MCF2L: variants seen among roughly 807,000 people sequenced by gnomAD.
The protein encoded by MCF2L is MCF.2 cell line derived transforming sequence like.
A neutral mutation model predicts 153.4 loss-of-function variants in MCF2L; 97 were observed. That is an observed-to-expected ratio of 0.63 (90% confidence interval 0.54 to 0.75). The LOEUF (loss-of-function observed/expected upper bound fraction) is 0.75. MCF2L is among the 30% of genes least tolerant of loss of function. MCF2L has a pLI of 0.00. For synonymous variants in MCF2L, 659 were observed against 632.2 expected, an observed-to-expected ratio of 1.04 and a Z score of -0.64; for missense variants, 1,347 against 1,495.2, an observed-to-expected ratio of 0.90 and a Z score of 1.64.
rs376872264 is a variant in MCF2L, at chr13:112,979,705, G to A, written c.79+10247G>A. The A allele has an allele frequency of 3.0e-5, 48 of 1,612,668 alleles. 1 individual carries two copies. Among genetic ancestry groups the A allele is most frequent in the South Asian group, 6.6e-5 (6 of 91,084 alleles). On this transcript the variant is annotated intron_variant, in intron 1 of 29. Coordinates refer to ENST00000535094, the MANE Select transcript of MCF2L (RefSeq NM_001112732.3). ...GGAGCATCCCGGGGAACCCTGCGGC[G>A]GCTGTGGTCACTGCCCAGGAGGCGC...
intron 2 of MCF2L, among the ~76,000 whole-genome samples, chr13:112,913,433 G>A (rs555164435): frequency 6.6e-6 from 1 of 152,268 alleles, no homozygotes; most frequent in Admixed American, 6.5e-5. Flanking sequence ...TGATGTCTCA[G>A]CTGCAGGCAT....
rs575186602 is a variant in MCF2L, at chr13:113,093,114, C to T, written c.2954-1400C>T. ...GCCTCAGAGCGACTGGGGGCCTGGA[C>T]GGGGAGGGCACGCTGGCAGCCAGGC... On this transcript the variant is annotated intron_variant, in intron 26 of 29. Transcript: ENST00000535094. Among the ~76,000 whole-genome samples the T allele has an allele frequency of 2.6e-5, 4 of 152,310 alleles. No homozygotes were observed. In the South Asian group the frequency reaches 6.2e-4, roughly 24 times the overall value.
rs1404212484 is a variant in MCF2L, at chr13:112,932,798, A to G, written c.169+30427A>G. Among the ~76,000 whole-genome samples, 1 of 152,156 alleles carries G rather than the reference A, an allele frequency of 6.6e-6. No individual in the cohort carries two copies. The highest frequency in any genetic ancestry group is 2.4e-5 in the African/African-American group (1 of 41,444). ...GTAATCCCAGCACTTTGGGAGGTCA[A>G]CGCGGGTGGATCATCTGAGGTCAGG... On this transcript the variant is annotated intron_variant, in intron 2 of 29. Transcript: ENST00000375608. The surrounding 1 kb of genome is among the most constrained non-coding windows in gnomAD (Gnocchi z 4.6).
chr13:113,036,606 A>G (rs1023057568), intron 3 of MCF2L, among the ~76,000 whole-genome samples: 6 of 152,220 alleles, frequency 3.9e-5, no homozygotes, highest in African/African-American at 1.2e-4. Flanking sequence ...AGCCACCCAC[A>G]GAAGGACGCG....
intron 2 of MCF2L, among the ~76,000 whole-genome samples, chr13:112,939,164 C>T (rs1286891080): frequency 6.6e-6 from 1 of 152,230 alleles, no homozygotes; most frequent in Non-Finnish European, 1.5e-5. Context: ...ATCTGTGACA[C>T]TTCACAGAAC....
chr13:113,065,559 C>G (rs1201338033), intron 7 of MCF2L, among the ~76,000 whole-genome samples: 1 of 152,254 alleles, frequency 6.6e-6, no homozygotes, highest in African/African-American at 2.4e-5. Flanking sequence ...CCAGTGCTCA[C>G]GTGTCCACAG....
chr13:112,950,780 T>C (rs948450009), intron 2 of MCF2L, among the ~76,000 whole-genome samples: 1 of 152,148 alleles, frequency 6.6e-6, no homozygotes, highest in Non-Finnish European at 1.5e-5. Flanking sequence ...ATAAAAGTTT[T>C]AGGAAAAAAT....
chr13:113,040,514 G>A (rs548128602), intron 3 of MCF2L: 1 of 151,950 alleles, frequency 6.6e-6, no homozygotes, highest in South Asian at 2.1e-4. Context: ...TTGGGTGCAG[G>A]TTGACGTTTG....
intron 2 of MCF2L, among the ~76,000 whole-genome samples, chr13:112,959,160 C>G (rs1367072538): frequency 6.6e-6 from 1 of 152,162 alleles, no homozygotes; most frequent in African/African-American, 2.4e-5. Flanking sequence ...TCTGCTTGTT[C>G]AAGACATACC....
chr13:113,018,863 C>T (rs546442547), intron 2 of MCF2L, among the ~76,000 whole-genome samples: 9 of 152,312 alleles, frequency 5.9e-5, no homozygotes, highest in South Asian at 4.1e-4. Flanking sequence ...ACTGCCCAGG[C>T]GGCTCTTGGG....
At chr13:112,916,311 A>G (rs2081291821) in intron 2 of MCF2L, among the ~76,000 whole-genome samples, 1 of 151,976 alleles carries the variant, frequency 6.6e-6, no homozygotes, top group Non-Finnish European at 1.5e-5. Context: ...TTGTTCCCAG[A>G]AGCCATTTTC....
intron 1 of MCF2L, among the ~76,000 whole-genome samples, chr13:112,973,319 TG>T (rs2140847226): frequency 6.6e-6 from 1 of 152,342 alleles, no homozygotes; most frequent in East Asian, 1.9e-4. Flanking sequence ...TACGTCTGTG[TG>T]GGTTGCTGAC....
At chr13:112,987,742 G>A (rs2082707855) in intron 1 of MCF2L, among the ~76,000 whole-genome samples, 1 of 152,254 alleles carries the variant, frequency 6.6e-6, no homozygotes, top group Admixed American at 6.5e-5. Flanking sequence ...CCAGGGCCTG[G>A]AAGGGGCCAG....
intron 1 of MCF2L, among the ~76,000 whole-genome samples, chr13:113,010,995 T>A (rs1291328211): frequency 6.6e-6 from 1 of 152,140 alleles, no homozygotes; most frequent in Non-Finnish European, 1.5e-5. Flanking sequence ...GAAACTATGA[T>A]CATAAGGGCA....
In MCF2L at chr13:113,087,396, G is replaced by A. The variant is rs905419808; in HGVS notation, c.2535G>A (p.Arg845=). 14 of 1,613,240 alleles carry A rather than the reference G, an allele frequency of 8.7e-6. No individual in the cohort carries two copies. Among genetic ancestry groups the A allele is most frequent in the Middle Eastern group, 1.6e-4 (1 of 6,084 alleles). ...AGGCAGTGCTCTTCTGCAAGAAGAG[G>A]GAGGAGAATGGGGAGGGGTATGAGA... ...HEKAVLFCKK[R]EENGEGYEKA... The change falls in exon 22 of 30, where the codon AGG becomes AGA. Residue 845 remains arginine, a synonymous_variant. Coordinates refer to ENST00000535094, the MANE Select transcript of MCF2L (RefSeq NM_001112732.3).
intron 2 of MCF2L, among the ~76,000 whole-genome samples, chr13:112,961,779 C>T (rs917307402): frequency 2.0e-5 from 3 of 152,250 alleles, no homozygotes; most frequent in Non-Finnish European, 4.4e-5. Flanking sequence ...CTTCCTGTGA[C>T]ACTGAGTCCT....
In MCF2L at chr13:113,099,318, A is replaced by G. The variant is rs554433700; in HGVS notation, c.*2459A>G. The G allele has an allele frequency of 1.3e-5, 2 of 152,354 alleles. No homozygotes were observed. The highest frequency in any genetic ancestry group is 2.4e-5 in the African/African-American group (1 of 41,590). 9.4% of individuals were successfully genotyped at this position (152,354 alleles called of 1,614,324 possible). On this transcript the variant is annotated 3_prime_UTR_variant, in exon 30 of 30. Transcript: ENST00000535094. ...AAATCTGCGTTATTTTCCAGCACAC[A>G]TGGAGCACAAACAAAATATTTGCAA...
At position 113,066,099 on chromosome 13, in the gene MCF2L, G is replaced by A. The variant is rs751506929; in HGVS notation, c.810G>A (p.Arg270=). 1 of 1,613,396 alleles carries A rather than the reference G, an allele frequency of 6.2e-7. No individual in the cohort carries two copies. Among genetic ancestry groups the A allele is most frequent in the Non-Finnish European group, 8.5e-7 (1 of 1,179,960 alleles). ...KEGHSVLESL[R]ELQAEGSEPS... Reference sequence around the variant, plus strand: ...GGCACAGTGTCCTGGAGAGCCTCAGGGAGCTGCAGGCTGAGGGCTCAGAGC... The same window carrying A: ...GGCACAGTGTCCTGGAGAGCCTCAGAGAGCTGCAGGCTGAGGGCTCAGAGC... The change falls in exon 8 of 30, where the codon AGG becomes AGA. Residue 270 remains arginine, a synonymous_variant. Transcript: ENST00000535094.
intron 2 of MCF2L, among the ~76,000 whole-genome samples, chr13:112,954,371 A>C (rs1416475803): frequency 2.6e-5 from 4 of 152,052 alleles, no homozygotes; most frequent in Non-Finnish European, 2.9e-5. Context: ...CCCTTTCCTG[A>C]AACCTCGAGG....
Sources: allele counts gnomAD v4.1 joint callset (sites outside exome capture counted in the v4.1 genomes callset), GRCh38; gene constraint gnomAD v4.1.1; non-coding constraint Gnocchi (gnomAD v3.1); transcripts MANE v1.5; gene names NCBI Gene and HGNC (gene_info 2026-07-23, HGNC 2026-07-21).